The following DDAH1 variants were observed in gnomAD, a reference collection of about 807,000 sequenced individuals.
DDAH1 encodes the protein N(G),N(G)-dimethylarginine dimethylaminohydrolase 1.
DDAH1 carries 19 observed loss-of-function variants against 28.8 expected under a neutral mutation model. The observed-to-expected ratio is 0.66, with a 90% CI of 0.46 to 0.97. The LOEUF is 0.97. Among genes scored for constraint, DDAH1 ranks in the 50% least tolerant of loss-of-function variants. The probability of loss-of-function intolerance (pLI) is 0.00; values close to 1 mark genes in which losing one functional copy is unlikely to be tolerated. For synonymous variants in DDAH1, 153 were observed against 154.4 expected (o/e 0.99, Z 0.07); for missense variants, 326 against 375.9 (o/e 0.87, Z 1.10).
rs115367670 is a variant in DDAH1, at chr1:85,484,864, C to A, written c.-7+11302G>T. ...CTTTCTGGAAACATACAGGCTGAAA[C>A]ATAGCTCTAGAGCAAAAGCAGGTGA... On this transcript the variant is annotated intron_variant, in intron 2 of 6. Coordinates refer to the DDAH1 transcript ENST00000426972. Among the ~76,000 whole-genome samples the A allele has an allele frequency of 6.9e-3, 1,050 of 152,310 alleles. 15 individuals carry two copies. The highest frequency in any genetic ancestry group is 0.024 in the African/African-American group (1,016 of 41,566).
intron 1 of DDAH1, among the ~76,000 whole-genome samples, chr1:85,546,230 C>T (rs1204354513): frequency 6.6e-6 from 1 of 151,958 alleles, no homozygotes; most frequent in African/African-American, 2.4e-5. Flanking sequence ...ACTCTGCCCT[C>T]ATGAATGGAT....
chr1:85,454,355 G>C (rs922946298), intron 1 of DDAH1, among the ~76,000 whole-genome samples: 1 of 152,092 alleles, frequency 6.6e-6, no homozygotes, highest in Non-Finnish European at 1.5e-5. Flanking sequence ...GAATGGACAG[G>C]GGTCCAAACA....
chr1:85,392,964 T>A (rs894873943), intron 1 of DDAH1, among the ~76,000 whole-genome samples: 7 of 152,102 alleles, frequency 4.6e-5, no homozygotes, highest in African/African-American at 1.2e-4. Flanking sequence ...AGAATAAAAG[T>A]CCTGCAGTTT....
At chr1:85,435,815 TTC>T (rs1265691467) in intron 1 of DDAH1, among the ~76,000 whole-genome samples, 1 of 151,988 alleles carries the variant, frequency 6.6e-6, no homozygotes, top group African/African-American at 2.4e-5. Context: ...CAGTCTCTCT[TTC>T]TCTCTCTCTG....
At chr1:85,424,002 T>C (rs369501593) in intron 1 of DDAH1, among the ~76,000 whole-genome samples, 1 of 152,174 alleles carries the variant, frequency 6.6e-6, no homozygotes, top group African/African-American at 2.4e-5. Context: ...CTTTAGCCTG[T>C]TGATGTGGTG....
chr1:85,395,609 T>C (rs905891350), intron 1 of DDAH1, among the ~76,000 whole-genome samples: 15 of 151,642 alleles, frequency 9.9e-5, no homozygotes, highest in Middle Eastern at 6.8e-3. Flanking sequence ...GAGGCAGAGA[T>C]TGCGGTGAGC....
At chr1:85,419,416 T>C (rs1653029919) in intron 1 of DDAH1, among the ~76,000 whole-genome samples, 1 of 151,916 alleles carries the variant, frequency 6.6e-6, no homozygotes, top group African/African-American at 2.4e-5. Context: ...GGCATGTGCC[T>C]GTAACCCCAG....
At chr1:85,563,150 A>G (rs1299746514) in intron 1 of DDAH1, among the ~76,000 whole-genome samples, 1 of 152,080 alleles carries the variant, frequency 6.6e-6, no homozygotes, top group Non-Finnish European at 1.5e-5. Context: ...GGTTGATGAG[A>G]GCTAGTTTTT....
intron 1 of DDAH1, among the ~76,000 whole-genome samples, chr1:85,575,270 C>CA (rs1040915266): frequency 1.3e-5 from 2 of 152,116 alleles, no homozygotes; most frequent in African/African-American, 2.4e-5. Flanking sequence ...AAACCAACAA[C>CA]AAAAACAGAC....
intron 4 of DDAH1, among the ~76,000 whole-genome samples, chr1:85,329,912 C>A (rs985125538): frequency 6.6e-6 from 1 of 152,160 alleles, no homozygotes; most frequent in African/African-American, 2.4e-5. Context: ...CTGTAGATAA[C>A]AAACAAGAAA....
chr1:85,503,518 CATCTATCTATCTATCT>C (rs61426289), intron 1 of DDAH1, among the ~76,000 whole-genome samples: 32 of 144,116 alleles, frequency 2.2e-4, no homozygotes, highest in East Asian at 8.3e-4. Flanking sequence ...CTTTAAAGTT[CATCTATCTATCTATCT>C]ATCTATCTAT....
At chr1:85,364,270 C>T (rs898721943) in intron 1 of DDAH1, among the ~76,000 whole-genome samples, 4 of 152,142 alleles carry the variant, frequency 2.6e-5, no homozygotes, top group African/African-American at 9.7e-5. Flanking sequence ...CAATTCTGTA[C>T]ATTTAAGTCC....
chr1:85,425,579 G>A (rs79735028), intron 1 of DDAH1, among the ~76,000 whole-genome samples: 6 of 152,242 alleles, frequency 3.9e-5, no homozygotes, highest in Non-Finnish European at 5.9e-5. Flanking sequence ...AATACGTAAC[G>A]ATTATATCTC....
rs575688664 is a variant in DDAH1 at position 85,374,314 on chromosome 1, C to T, written c.304-15467G>A. ...CTACATGACCCATTTCTAGTCCATG[C>T]AAACACTTGCACATCCTTTGTTTAC... On this transcript the variant is annotated intron_variant, in intron 1 of 5. Coordinates refer to ENST00000284031, the MANE Select transcript of DDAH1 (RefSeq NM_012137.4). 9.2e-5 allele frequency among the ~76,000 whole-genome samples: 14 copies of T among 152,244 alleles called. No individual in the cohort carries two copies. The South Asian group carries it at 2.5e-3, about 27-fold the overall frequency.
chr1:85,541,392 T>C (rs887711104), intron 1 of DDAH1, among the ~76,000 whole-genome samples: 6 of 152,244 alleles, frequency 3.9e-5, no homozygotes, highest in Admixed American at 3.9e-4. Context: ...TGCTACTGCC[T>C]GGAAGAGAAG....
chr1:85,503,307 C>T (rs143038763), intron 1 of DDAH1, among the ~76,000 whole-genome samples: 212 of 152,216 alleles, frequency 1.4e-3, no homozygotes, highest in African/African-American at 4.8e-3. Flanking sequence ...TGGGTTCAAG[C>T]GATGCTCCTG....
At chr1:85,566,978 GA>G (rs1659323971) in intron 1 of DDAH1, among the ~76,000 whole-genome samples, 1 of 152,214 alleles carries the variant, frequency 6.6e-6, no homozygotes, top group Admixed American at 6.5e-5. Flanking sequence ...CAATGTGTCA[GA>G]TTGAGACTGA....
Position 85,464,987 on chromosome 1 carries a change from G to T in DDAH1, c.59C>A (p.Ala20Glu). 7.0e-7 allele frequency: 1 copy of T among 1,420,542 alleles called. No homozygotes were observed. Among genetic ancestry groups the T allele is most frequent in the Non-Finnish European group, 9.2e-7 (1 of 1,088,582 alleles). 88.0% of individuals were successfully genotyped at this position (1,420,542 alleles called of 1,614,324 possible). A position where few individuals can be genotyped will look rare whatever the true frequency, so the allele number is the denominator to read the frequency against. The change falls in exon 1 of 6, where the codon GCG (alanine) becomes GAG (glutamate). Residue 20 changes from alanine (A) to glutamate (E), a missense_variant. Coordinates refer to ENST00000284031, the MANE Select transcript of DDAH1 (RefSeq NM_012137.4). This position sits in a 1 kb window ranked among gnomAD's most constrained non-coding sequence, Gnocchi z 4.4. ...GTGCTGGCCGAGCGACTCGGGTAGC[G>T]CCCGCACCACGGCGTGGGTGGCCCG... is the stretch of plus-strand genomic sequence containing the variant. ...FGRATHAVVR[A>E]LPESLGQHAL... is the part of the protein sequence containing the mutation.
chr1:85,323,457 T>A (rs1427571955), intron 5 of DDAH1, among the ~76,000 whole-genome samples: 6 of 152,066 alleles, frequency 3.9e-5, no homozygotes, highest in Non-Finnish European at 8.8e-5. Flanking sequence ...CAAGGGAGAT[T>A]TTCTTAGACC....
Sources: allele counts gnomAD v4.1 joint callset (sites outside exome capture counted in the v4.1 genomes callset), GRCh38; gene constraint gnomAD v4.1.1; non-coding constraint Gnocchi (gnomAD v3.1); transcripts MANE v1.5; gene names NCBI Gene and HGNC (gene_info 2026-07-23, HGNC 2026-07-21).